Variants in ZAN observed in about 807,000 individuals in gnomAD.
ZAN encodes the protein zonadhesin (gene/pseudogene).
A neutral mutation model predicts 286.2 loss-of-function variants in ZAN; 260 were observed. The ratio of observed to expected loss-of-function variants is 0.91; its 90% CI spans 0.82 to 1.01. ZAN has a LOEUF of 1.01. Ranked by LOEUF, ZAN falls within the 50% of genes least tolerant of loss-of-function variation. The probability of loss-of-function intolerance (pLI) is 0.00; values close to 1 mark genes in which losing one functional copy is unlikely to be tolerated. For synonymous variants in ZAN, 1,368 were observed against 1,417.5 expected (o/e 0.97, Z 0.79); for missense variants, 3,410 against 3,639.2 (o/e 0.94, Z 1.62).
rs749817508 is a variant in ZAN, at chr7:100,784,591, C to T, written c.6623-32C>T. 48 of 1,609,626 alleles carry T rather than the reference C, an allele frequency of 3.0e-5. 1 individual carries two copies. In the South Asian group the frequency reaches 5.2e-4, roughly 17 times the overall value. On this transcript the variant is annotated intron_variant, in intron 35 of 47. Transcript: ENST00000613979. Reference sequence around the variant, plus strand: ...GCCCACCTTGGCCCCCTGTGACCCTCTCCACTGACCCACTGTCTCCTTCAC... The same window carrying T: ...GCCCACCTTGGCCCCCTGTGACCCTTTCCACTGACCCACTGTCTCCTTCAC...
intron 23 of ZAN, 109 bp from the exon 24 acceptor site, chr7:100,766,416 T>C (rs1809974814): frequency 4.5e-6 from 6 of 1,344,274 alleles, no homozygotes; most frequent in African/African-American, 1.5e-5. Context: ...CTCCCCACTA[T>C]TAAGCCAGTG....
chr7:100,756,517 G>T (rs1017206095), intron 15 of ZAN, among the ~76,000 whole-genome samples: 1 of 151,718 alleles, frequency 6.6e-6, no homozygotes, highest in African/African-American at 2.4e-5. Flanking sequence ...TGACATCAGA[G>T]CTTCTGCTTG....
intron 33 of ZAN, among the ~76,000 whole-genome samples, chr7:100,776,036 G>C (rs936792778): frequency 6.6e-6 from 1 of 152,008 alleles, no homozygotes; most frequent in Non-Finnish European, 1.5e-5. Context: ...CATTCTGCCC[G>C]GGCATGGTGG....
intron 7 of ZAN, among the ~76,000 whole-genome samples, chr7:100,743,713 C>CA (rs1378832842): frequency 6.6e-6 from 1 of 151,018 alleles, no homozygotes; most frequent in Non-Finnish European, 1.5e-5. Context: ...CTTGTCTCTA[C>CA]AAAAAATACA....
chr7:100,741,990 C>T lies in ZAN; in HGVS notation c.766+3377C>T, dbSNP rs576307387. On this transcript the variant is annotated intron_variant, in intron 7 of 47. Transcript: ENST00000613979. ...GACCCCCCCTCACCTCCCTCCCGGA[C>T]GGGGTGGCTGCCGGGCGGAGATGCT... Among the ~76,000 whole-genome samples the T allele has an allele frequency of 3.3e-4, 17 of 51,032 alleles. No individual in the cohort carries two copies. The South Asian group carries it at 5.5e-3, about 17-fold the overall frequency. 33.5% of individuals were successfully genotyped at this position (51,032 alleles called of 152,430 possible). A position where few individuals can be genotyped will look rare whatever the true frequency, so the allele number is the denominator to read the frequency against.
chr7:100,765,992 T>G (rs1213678239), intron 23 of ZAN, among the ~76,000 whole-genome samples: 6 of 149,502 alleles, frequency 4.0e-5, no homozygotes, highest in African/African-American at 1.5e-4. Context: ...TTTTTGGTTT[T>G]TGTTTTTTTT....
intron 12 of ZAN, 56 bp downstream of exon 12, chr7:100,750,952 G>C: frequency 6.6e-7 from 1 of 1,511,256 alleles, no homozygotes; most frequent in Non-Finnish European, 8.8e-7. Context: ...CAATGCCTGG[G>C]ATCTGGGGGC....
At chr7:100,751,651 A>C in intron 13 of ZAN, 61 bp from the exon 14 acceptor site, 2 of 1,509,276 alleles carry the variant, frequency 1.3e-6, no homozygotes, top group Non-Finnish European at 1.8e-6. Flanking sequence ...GTTAGATGGC[A>C]GTAAAGAGGG....
At chr7:100,776,959 T>C (rs314301) in intron 34 of ZAN, among the ~76,000 whole-genome samples, 129,472 of 145,518 alleles carry the variant, frequency 0.89, 57,880 homozygotes, top group East Asian at 0.97. Context: ...GTCTCGATCT[T>C]CTGACCTCGT....
In ZAN at chr7:100,792,961, C is replaced by G. The variant is rs569456758; in HGVS notation, c.7787+482C>G. 1.0e-4 allele frequency among the ~76,000 whole-genome samples: 10 copies of G among 98,288 alleles called. No homozygotes were observed. In the East Asian group the frequency reaches 1.3e-3, roughly 13 times the overall value. The allele number at this position is 98,288 out of a possible 152,430, so 64.5% of individuals were successfully genotyped here. On this transcript the variant is annotated intron_variant, in intron 42 of 47. Transcript: ENST00000613979. Reference sequence around the variant, plus strand: ...GCACACCACCACACTCCAGCCTGGGCAACAGAGCAACATCCTATCTCAAAA... The same window carrying G: ...GCACACCACCACACTCCAGCCTGGGGAACAGAGCAACATCCTATCTCAAAA...
At chr7:100,790,303 C>T (rs1049280173) in intron 39 of ZAN, among the ~76,000 whole-genome samples, 1 of 151,982 alleles carries the variant, frequency 6.6e-6, no homozygotes, top group Non-Finnish European at 1.5e-5. Flanking sequence ...TGGCTCACAC[C>T]TGTAATCCCA....
intron 42 of ZAN, 34 bp downstream of exon 42, chr7:100,792,513 CCTGG>C: frequency 1.2e-6 from 2 of 1,612,926 alleles, no homozygotes; most frequent in Non-Finnish European, 1.7e-6. Flanking sequence ...CGGGCGCTGC[CCTGG>C]CTGGCTGGCG....
At chr7:100,766,391 A>G (rs1809973598) in intron 23 of ZAN, 134 bp from the exon 24 acceptor site, 2 of 1,137,448 alleles carry the variant, frequency 1.8e-6, no homozygotes. Context: ...TCGGAGCTTC[A>G]GGAAGAGAGG....
Position 100,790,879 on chromosome 7 carries a change from T to TAA in ZAN, c.7358-44_7358-43dup, listed in dbSNP as rs5886138. On this transcript the variant is annotated intron_variant, in intron 39 of 47. Transcript: ENST00000613979. ...GCCTGGGCAACAGAGCAAGACTGTC[T>TAA]AAAAAAAAAAAAAAAAAAAAGAGTG... The TAA allele has an allele frequency of 7.3e-3, 8,820 of 1,201,692 alleles. 2 individuals are homozygous for TAA. The highest frequency in any genetic ancestry group is 0.022 in the African/African-American group (1,001 of 46,234). 74.4% of individuals were successfully genotyped at this position (1,201,692 alleles called of 1,614,324 possible).
In ZAN at chr7:100,790,995, T is replaced by C; in HGVS notation, c.7411T>C (p.Tyr2471His). 2 of 1,611,210 alleles carry C rather than the reference T, an allele frequency of 1.2e-6. No individual in the cohort carries two copies. The highest frequency in any genetic ancestry group is 1.7e-6 in the Non-Finnish European group (2 of 1,178,944). Residue 2471 changes from tyrosine (Y) to histidine (H), a missense_variant, in exon 40 of 48, where the codon TAC (tyrosine) becomes CAC (histidine). Tyr to His is a moderately conservative substitution (Grantham distance 83). Around this residue, in one of 7 missense-constraint regions of ZAN, gnomAD observed 1,289 missense variants for 1,314.3 expected, o/e 0.98. Transcript: ENST00000613979. Reference sequence around the variant, plus strand: ...GCTTGTGAGTGGCCTGTGCGGAAACTACGACAAGAACCGCAAGAATGACAT... The same window carrying C: ...GCTTGTGAGTGGCCTGTGCGGAAACCACGACAAGAACCGCAAGAATGACAT... ...EGLVSGLCGN[Y>H]DKNRKNDMML...
At chr7:100,780,706 G>A (rs1264999783) in intron 35 of ZAN, among the ~76,000 whole-genome samples, 5 of 151,724 alleles carry the variant, frequency 3.3e-5, no homozygotes, top group African/African-American at 9.7e-5. Flanking sequence ...CCAGTGTACC[G>A]TCTCCCTCCC....
chr7:100,754,055 C>T (rs530834473), intron 14 of ZAN, among the ~76,000 whole-genome samples: 1 of 152,232 alleles, frequency 6.6e-6, no homozygotes, highest in South Asian at 2.1e-4. Context: ...ACAGTTCATA[C>T]AAATGGAATC....
chr7:100,782,016 T>C (rs577441408), intron 35 of ZAN, among the ~76,000 whole-genome samples: 8 of 152,276 alleles, frequency 5.3e-5, no homozygotes, highest in Non-Finnish European at 1.0e-4. Context: ...TTAGGAACCC[T>C]TTGAATTTCC....
chr7:100,776,947 T>C (rs1584612512), intron 34 of ZAN, among the ~76,000 whole-genome samples: 1 of 148,146 alleles, frequency 6.8e-6, no homozygotes, highest in East Asian at 2.0e-4. Context: ...TTAGCCAGGA[T>C]GGTCTCGATC....
Sources: allele counts gnomAD v4.1 joint callset (sites outside exome capture counted in the v4.1 genomes callset), GRCh38; gene constraint gnomAD v4.1.1; regional missense constraint gnomAD v4.1.1; transcripts MANE v1.5; gene names NCBI Gene and HGNC (gene_info 2026-07-23, HGNC 2026-07-21).